Variants in ZFPM2 observed in about 807,000 individuals in gnomAD.
ZFPM2 encodes the protein zinc finger protein ZFPM2.
ZFPM2 carries 20 observed loss-of-function variants against 98.6 expected under a neutral mutation model. The ratio of observed to expected loss-of-function variants is 0.20; its 90% confidence interval spans 0.14 to 0.29. The LOEUF is 0.29. Among genes scored for constraint, ZFPM2 ranks in the 10% least tolerant of loss-of-function variants. ZFPM2 has a pLI of 1.00. For missense variants in ZFPM2, 1,310 were observed against 1,388.6 expected (o/e 0.94, Z 0.90); for synonymous variants, 518 against 502.7 (o/e 1.03, Z -0.41).
chr8:105,351,172 C>CAA (rs201784746), intron 1 of ZFPM2, among the ~76,000 whole-genome samples: 66 of 95,570 alleles, frequency 6.9e-4, no homozygotes, highest in African/African-American at 1.2e-3. Flanking sequence ...GACTCTGTCT[C>CAA]AAAAAAAAAA....
chr8:105,331,696 G>T (rs1812236877), intron 1 of ZFPM2, among the ~76,000 whole-genome samples: 1 of 151,676 alleles, frequency 6.6e-6, no homozygotes, highest in Non-Finnish European at 1.5e-5. Context: ...ATGTATTCAT[G>T]AATTTTTCTA....
chr8:105,577,742 A>G (rs1018809462), intron 4 of ZFPM2, among the ~76,000 whole-genome samples: 2 of 151,494 alleles, frequency 1.3e-5, no homozygotes, highest in Non-Finnish European at 3.0e-5. Flanking sequence ...AAAAGACCCA[A>G]TTTAATTAAA....
chr8:105,711,578 AT>A (rs2130977687), intron 5 of ZFPM2, among the ~76,000 whole-genome samples: 1 of 152,122 alleles, frequency 6.6e-6, no homozygotes, highest in African/African-American at 2.4e-5. Flanking sequence ...GTGTTTATTA[AT>A]TTATCCAGAA....
At chr8:105,421,860 A>G (rs1811799076) in intron 2 of ZFPM2, among the ~76,000 whole-genome samples, 1 of 150,400 alleles carries the variant, frequency 6.6e-6, no homozygotes, top group Non-Finnish European at 1.5e-5. Context: ...CAGCCTGGCC[A>G]ACACGGCGAA....
rs1304395334 is a variant in ZFPM2, at chr8:105,804,279, T to C, written c.*741T>C. 1.3e-5 allele frequency: 2 copies of C among 152,626 alleles called. No individual in the cohort carries two copies. Among genetic ancestry groups the C allele is most frequent in the African/African-American group, 4.8e-5 (2 of 41,448 alleles). The allele number at this position is 152,626 out of a possible 1,614,324, so 9.5% of individuals were successfully genotyped here. Reference sequence around the variant, plus strand: ...AATACTTTATAAAGAATGAACAAAATTACTGGAAGCAGTATTGTAAGTAAT... The same window carrying C: ...AATACTTTATAAAGAATGAACAAAACTACTGGAAGCAGTATTGTAAGTAAT... On this transcript the variant is annotated 3_prime_UTR_variant, in exon 8 of 8. Coordinates refer to ENST00000407775, the MANE Select transcript of ZFPM2 (RefSeq NM_012082.4).
At chr8:105,557,295 A>T (rs1815020232) in intron 3 of ZFPM2, among the ~76,000 whole-genome samples, 1 of 152,126 alleles carries the variant, frequency 6.6e-6, no homozygotes, top group Non-Finnish European at 1.5e-5. Context: ...TTAATTACTG[A>T]ATAAATGCCA....
intron 1 of ZFPM2, among the ~76,000 whole-genome samples, chr8:105,376,359 C>T (rs1302248731): frequency 2.0e-5 from 3 of 152,186 alleles, no homozygotes. Flanking sequence ...ACCTTCCTCT[C>T]TTGTCAGGCT....
At chr8:105,606,545 T>C (rs1275906914) in intron 4 of ZFPM2, among the ~76,000 whole-genome samples, 3 of 152,066 alleles carry the variant, frequency 2.0e-5, no homozygotes, top group Non-Finnish European at 4.4e-5. Context: ...TATAAATGCA[T>C]GTTTTGAATT....
intron 1 of ZFPM2, among the ~76,000 whole-genome samples, chr8:105,410,285 T>C (rs1811550075): frequency 6.6e-6 from 1 of 151,952 alleles, no homozygotes; most frequent in African/African-American, 2.4e-5. Flanking sequence ...GTAACTGTAT[T>C]GTTACACATG....
intron 5 of ZFPM2, chr8:105,670,026 TCTAA>T (rs572426718): frequency 3.7e-4 from 57 of 152,330 alleles, no homozygotes; most frequent in African/African-American, 1.3e-3. Flanking sequence ...ACAGCATGTC[TCTAA>T]CAAAGGCAAG....
At chr8:105,654,465 C>A (rs965527615) in intron 5 of ZFPM2, among the ~76,000 whole-genome samples, 1 of 152,154 alleles carries the variant, frequency 6.6e-6, no homozygotes, top group African/African-American at 2.4e-5. Context: ...AGGTTTAAAT[C>A]TGCAGACTTC....
At chr8:105,680,097 A>G (rs1006490006) in intron 5 of ZFPM2, among the ~76,000 whole-genome samples, 5 of 152,136 alleles carry the variant, frequency 3.3e-5, no homozygotes, top group Non-Finnish European at 7.4e-5. Context: ...GATGATGAAA[A>G]TATTTTGAAA....
chr8:105,715,408 GAAA>G (rs201460894), intron 5 of ZFPM2, among the ~76,000 whole-genome samples: 224 of 109,728 alleles, frequency 2.0e-3, no homozygotes, highest in African/African-American at 5.2e-3. Flanking sequence ...CCCATCTCTT[GAAA>G]AAAAAAAAAA....
intron 1 of ZFPM2, among the ~76,000 whole-genome samples, chr8:105,373,788 A>G (rs1748815361): frequency 6.6e-6 from 1 of 152,200 alleles, no homozygotes; most frequent in Non-Finnish European, 1.5e-5. Flanking sequence ...GAAATGATAA[A>G]GGAAAACGCT....
At chr8:105,756,292 T>G (rs1034201138) in intron 5 of ZFPM2, among the ~76,000 whole-genome samples, 1 of 152,206 alleles carries the variant, frequency 6.6e-6, no homozygotes, top group East Asian at 1.9e-4. Context: ...AATCTGTGAT[T>G]GCTTCCACAG....
intron 5 of ZFPM2, among the ~76,000 whole-genome samples, chr8:105,642,586 G>T (rs1482267813): frequency 6.6e-6 from 1 of 151,950 alleles, no homozygotes; most frequent in Non-Finnish European, 1.5e-5. Flanking sequence ...CTTTTCTTTA[G>T]TAACTCTGTG....
rs542621283 is a variant in ZFPM2, at chr8:105,437,452, T to C, written c.200-6828T>C. ...TAATCATATGAAACTACTTGTTCAA[T>C]CAACCCCTTAATAGGTTGAATTACA... On this transcript the variant is annotated intron_variant, in intron 2 of 7. Coordinates refer to ENST00000407775, the MANE Select transcript of ZFPM2 (RefSeq NM_012082.4). 3.3e-5 allele frequency among the ~76,000 whole-genome samples: 5 copies of C among 152,022 alleles called. No individual in the cohort carries two copies. The South Asian group carries it at 6.2e-4, about 19-fold the overall frequency.
chr8:105,586,503 A>G (rs1388356449), intron 4 of ZFPM2, among the ~76,000 whole-genome samples: 1 of 152,004 alleles, frequency 6.6e-6, no homozygotes, highest in African/African-American at 2.4e-5. Flanking sequence ...GCTCACTGCA[A>G]CCTCTGCCTC....
intron 4 of ZFPM2, among the ~76,000 whole-genome samples, chr8:105,582,440 G>C (rs1454316232): frequency 6.6e-6 from 1 of 152,172 alleles, no homozygotes; most frequent in Non-Finnish European, 1.5e-5. Context: ...AGTTGAGAGA[G>C]GCCAGAGTGG....
Sources: gnomAD v4.1 joint callset for allele counts (sites outside exome capture counted in the v4.1 genomes callset) on GRCh38, gnomAD v4.1.1 for gene constraint, MANE v1.5 for transcripts, NCBI Gene and HGNC (gene_info 2026-07-23, HGNC 2026-07-21) for gene names.